The following CLTRN variants were observed in gnomAD, a reference collection of about 807,000 sequenced individuals.
CLTRN encodes the protein collectrin.
Under a neutral mutation model 14.5 loss-of-function variants are expected in CLTRN, and 12 were observed. The ratio of observed to expected loss-of-function variants is 0.83; its 90% CI spans 0.53 to 1.34. CLTRN has a LOEUF of 1.34. Ranked by LOEUF, CLTRN falls within the 40% of genes most tolerant of loss-of-function variation. The pLI is 0.00. For missense variants in CLTRN, 154 were observed against 165.1 expected (o/e 0.93, Z 0.37); for synonymous variants, 58 against 56.5 (o/e 1.03, Z -0.12).
chrX:15,639,608 C>G lies in CLTRN; in HGVS notation c.466G>C (p.Val156Leu), dbSNP rs1353900261. 8.3e-7 allele frequency: 1 copy of G among 1,208,847 alleles called. No homozygotes were observed. Among genetic ancestry groups the G allele is most frequent in the Non-Finnish European group, 1.1e-6 (1 of 894,621 alleles). Reference protein sequence around the residue: ...IFGVIFCIIIVAIALLILSGI... With the variant: ...IFGVIFCIIILAIALLILSGI... The stretch of plus-strand genomic sequence containing the variant: ...GATAAAATCAGTAGTGCAATTGCAA[C>G]TATGATGATGCAAAATATCACACCA... Residue 156 changes from valine to leucine, a missense_variant, in exon 5 of 6, where the codon GTT becomes CTT. By Grantham distance (32) the Val-to-Leu change is conservative. Transcript: ENST00000380342.
At chrX:15,649,652 A>C (rs1797424852) in intron 3 of CLTRN, among the ~76,000 whole-genome samples, 1 of 110,791 alleles carries the variant, frequency 9.0e-6, no homozygotes, top group African/African-American at 3.3e-5. Flanking sequence ...GCCATTCACC[A>C]CACTGATTAT....
At chrX:15,674,408 T>C (rs370257455) in intron 1 of CLTRN, among the ~76,000 whole-genome samples, 6 of 111,673 alleles carry the variant, frequency 5.4e-5, no homozygotes, top group African/African-American at 2.0e-4. Context: ...TTACTCCATG[T>C]ATCTCCCTAG....
intron 1 of CLTRN, 89 bp downstream of exon 1, chrX:15,664,629 A>T: frequency 1.1e-6 from 1 of 920,993 alleles, no homozygotes; most frequent in Non-Finnish European, 1.5e-6. Context: ...ATGTCTGCAG[A>T]TTTAGAAAAA....
At chrX:15,656,654 A>G (rs185709642) in intron 3 of CLTRN, among the ~76,000 whole-genome samples, 3 of 111,034 alleles carry the variant, frequency 2.7e-5, no homozygotes, top group East Asian at 2.8e-4. Flanking sequence ...CCGCAAAGCT[A>G]TTTTCAATCC....
At chrX:15,646,480 C>T (rs1384415894) in intron 3 of CLTRN, 12 of 301,963 alleles carry the variant, frequency 4.0e-5, no homozygotes, top group Non-Finnish European at 6.6e-6. Flanking sequence ...GCCCGACCCC[C>T]GCGCCAGAAG....
intron 3 of CLTRN, among the ~76,000 whole-genome samples, chrX:15,657,009 T>G (rs1929383986): frequency 9.1e-6 from 1 of 110,130 alleles, no homozygotes; most frequent in Admixed American, 9.7e-5. Context: ...CAATTTTTTT[T>G]TTTTTTTGAG....
intron 1 of CLTRN, among the ~76,000 whole-genome samples, chrX:15,672,366 C>A (rs955368964): frequency 1.8e-5 from 2 of 111,162 alleles, no homozygotes; most frequent in Admixed American, 9.6e-5. Flanking sequence ...TCAATTTTCT[C>A]TTTTTACTAG....
At chrX:15,660,591 C>T (rs936784980) in intron 2 of CLTRN, among the ~76,000 whole-genome samples, 1 of 108,010 alleles carries the variant, frequency 9.3e-6, no homozygotes, top group African/African-American at 3.4e-5. Flanking sequence ...ATCACTTGAG[C>T]CCAGGAGCTC....
At chrX:15,669,930 T>G (rs1041373111) in intron 1 of CLTRN, among the ~76,000 whole-genome samples, 3 of 112,233 alleles carry the variant, frequency 2.7e-5, no homozygotes, top group African/African-American at 9.7e-5. Context: ...AAGAAATCAA[T>G]TAAAACTTTT....
At chrX:15,666,606 C>T (rs1429052557), upstream of CLTRN, among the ~76,000 whole-genome samples, 2 of 112,004 alleles carry the variant, frequency 1.8e-5, no homozygotes, top group Non-Finnish European at 3.8e-5. Flanking sequence ...AAAGGACCCA[C>T]ATCCATCAGC....
chrX:15,628,036 C>A lies in CLTRN; in HGVS notation c.604G>T (p.Asp202Tyr), dbSNP rs1928603811. 2.6e-6 allele frequency: 3 copies of A among 1,144,611 alleles called. No individual in the cohort carries two copies. The highest frequency in any genetic ancestry group is 4.4e-5 in the South Asian group (2 of 45,396). 94.3% of individuals were successfully genotyped at this position (1,144,611 alleles called of 1,213,427 possible). Residue 202 changes from aspartate to tyrosine, a missense_variant, in exon 6 of 6, where the codon GAC becomes TAC. Transcript: ENST00000380342. ...TCATTAATATGCCCTCCCTTCATGT[C>A]CAGGGGATCAGAGGGGATGCCATTT... ...IENGIPSDPL[D>Y]MKGGHINDAF...
chrX:15,648,685 C>T (rs908976491), intron 3 of CLTRN, among the ~76,000 whole-genome samples: 1 of 109,929 alleles, frequency 9.1e-6, no homozygotes, highest in African/African-American at 3.3e-5. Context: ...GTGACGCACA[C>T]GTGTAATCCC....
upstream of CLTRN, among the ~76,000 whole-genome samples, chrX:15,667,736 A>G: frequency 9.0e-6 from 1 of 111,379 alleles, no homozygotes; most frequent in South Asian, 3.7e-4. Flanking sequence ...TTTTTTTAAT[A>G]GAGACAGGAT....
intron 3 of CLTRN, among the ~76,000 whole-genome samples, chrX:15,652,909 C>T (rs1464638272): frequency 1.8e-5 from 2 of 110,771 alleles, no homozygotes; most frequent in African/African-American, 3.3e-5. Flanking sequence ...GGTGAAACCC[C>T]GTCTCTACTA....
At chrX:15,673,634 CTT>C (rs1282476677) in intron 1 of CLTRN, among the ~76,000 whole-genome samples, 1 of 112,320 alleles carries the variant, frequency 8.9e-6, no homozygotes, top group Non-Finnish European at 1.9e-5. Flanking sequence ...TGAAAATTGT[CTT>C]TTACTCTGTG....
At chrX:15,642,940 A>C (rs1333199836) in intron 4 of CLTRN, among the ~76,000 whole-genome samples, 1 of 109,858 alleles carries the variant, frequency 9.1e-6, no homozygotes, top group Non-Finnish European at 1.9e-5. Context: ...AAAAAAAAAA[A>C]ATTTAAATTA....
In CLTRN at chrX:15,627,913, C is replaced by T; in HGVS notation, c.*58G>A. On this transcript the variant is annotated 3_prime_UTR_variant, in exon 6 of 6. Coordinates refer to ENST00000380342, the MANE Select transcript of CLTRN (RefSeq NM_020665.6). ...GATCTGCTCTTGGTATTTCAGGATG[C>T]TCAGCAGTCACACAGAAACAAATGT... The T allele has an allele frequency of 1.1e-6, 1 of 909,200 alleles. No homozygotes were observed. Among genetic ancestry groups the T allele is most frequent in the Non-Finnish European group, 1.4e-6 (1 of 700,601 alleles). The allele number at this position is 909,200 out of a possible 1,213,427, so 74.9% of individuals were successfully genotyped here. A position where few individuals can be genotyped will look rare whatever the true frequency, so the allele number is the denominator to read the frequency against.
rs770950539 is a variant in CLTRN, at chrX:15,644,991, A to T, written c.242T>A (p.Val81Glu). The T allele has an allele frequency of 8.3e-7, 1 of 1,205,841 alleles. No homozygotes were observed. The highest frequency in any genetic ancestry group is 2.2e-5 in the Admixed American group (1 of 45,243). ...HVLLCNVTQR[V>E]SFWFVVTDPS... ...GTCTGTAACCACAAACCAGAATGAT[A>T]CCCTCTGGGTTACATTGCAAAGTAG... The change falls in exon 4 of 6, where the codon GTA becomes GAA. Residue 81 changes from valine (V) to glutamate (E), a missense_variant. Val to Glu is a moderately radical substitution (Grantham distance 121). Transcript: ENST00000380342.
At chrX:15,670,649 A>G (rs150025182) in intron 1 of CLTRN, among the ~76,000 whole-genome samples, 2,090 of 110,988 alleles carry the variant, frequency 0.019, 47 homozygotes, top group African/African-American at 0.065. Flanking sequence ...GTGGTTTTCA[A>G]TTGGGGGTGA....
Sources: allele counts gnomAD v4.1 joint callset (sites outside exome capture counted in the v4.1 genomes callset), GRCh38; gene constraint gnomAD v4.1.1; transcripts MANE v1.5; gene names NCBI Gene and HGNC (gene_info 2026-07-23, HGNC 2026-07-21).